The following ATL3 variants were observed in gnomAD, a reference collection of about 807,000 sequenced individuals.
ATL3 encodes atlastin-3.
A neutral mutation model predicts 69.5 loss-of-function variants in ATL3; 49 were observed. That is an observed-to-expected ratio of 0.71 (90% CI 0.56 to 0.89). The LOEUF is 0.89. Among genes scored for constraint, ATL3 ranks in the 40% least tolerant of loss-of-function variants. The pLI is 0.00. For missense variants in ATL3, 606 were observed against 645.7 expected, an observed-to-expected ratio of 0.94 and a Z score of 0.67; for synonymous variants, 214 against 224.1, an observed-to-expected ratio of 0.95 and a Z score of 0.40.
intron 1 of ATL3, among the ~76,000 whole-genome samples, chr11:63,668,552 C>T (rs1427751425): frequency 6.6e-6 from 1 of 152,072 alleles, no homozygotes; most frequent in Non-Finnish European, 1.5e-5. Flanking sequence ...TGAACAAAAC[C>T]ATATTTTTTG....
At position 63,646,508 on chromosome 11, in the gene ATL3, TG is replaced by T; in HGVS notation, c.616del (p.Gln206ArgfsTer3). On this transcript the variant is annotated frameshift_variant and splice_region_variant, in exon 6 of 13. Coordinates refer to ENST00000398868, the MANE Select transcript of ATL3 (RefSeq NM_015459.5). LOFTEE classifies it high-confidence loss of function. ...TATATTTAAAATAAATATTCTAACC[TG>T]GAAAGGCTTTTGGAAAATTTCATCC... ...AMDEIFQKPF[Q>X]TLMFLVRDWS... The T allele has an allele frequency of 6.4e-7, 1 of 1,572,692 alleles. No individual in the cohort carries two copies. The highest frequency in any genetic ancestry group is 8.7e-7 in the Non-Finnish European group (1 of 1,147,924).
At chr11:63,670,387 A>G (rs539129001) in intron 1 of ATL3, 3 of 152,348 alleles carry the variant, frequency 2.0e-5, no homozygotes, top group African/African-American at 7.2e-5. Flanking sequence ...AGACTGACAA[A>G]ACGTTCCATT....
At chr11:63,659,707 G>A (rs536780947) in intron 1 of ATL3, among the ~76,000 whole-genome samples, 2 of 152,186 alleles carry the variant, frequency 1.3e-5, no homozygotes, top group African/African-American at 4.8e-5. Context: ...AGCCGAGGTG[G>A]GTGGATCACT....
intron 12 of ATL3, 98 bp downstream of exon 12, chr11:63,630,942 T>C (rs1359466228): frequency 3.2e-6 from 4 of 1,236,686 alleles, no homozygotes; most frequent in Non-Finnish European, 4.5e-6. Flanking sequence ...CTGTCTCATG[T>C]CTTCACTATG....
At chr11:63,639,052 A>G (rs769817827) in intron 8 of ATL3, among the ~76,000 whole-genome samples, 1 of 152,196 alleles carries the variant, frequency 6.6e-6, no homozygotes, top group Non-Finnish European at 1.5e-5. Flanking sequence ...AATCTCAACC[A>G]TGGAACTGCA....
At position 63,633,062 on chromosome 11, in the gene ATL3, G is replaced by C. The variant is rs1939378790; in HGVS notation, c.1071C>G (p.Ala357=). 1.9e-6 allele frequency: 3 copies of C among 1,614,128 alleles called. No individual in the cohort carries two copies. The highest frequency in any genetic ancestry group is 2.5e-6 in the Non-Finnish European group (3 of 1,180,000). Residue 357 remains alanine, a synonymous_variant, in exon 11 of 13, where the codon GCC becomes GCG. Coordinates refer to ENST00000398868, the MANE Select transcript of ATL3 (RefSeq NM_015459.5). ...TAEANNLAAA[A]SAKDIYYNNM... ...TGTTATAATAAATGTCCTTGGCAGA[G>C]GCTGCAGCTGCTAAGTTGTTGGCTT... is the stretch of plus-strand genomic sequence containing the variant.
chr11:63,625,013 C>T lies in ATL3; in HGVS notation c.*4306G>A, dbSNP rs1247088707. The T allele has an allele frequency of 6.6e-6, 1 of 152,126 alleles. No individual in the cohort carries two copies. The highest frequency in any genetic ancestry group is 2.4e-5 in the African/African-American group (1 of 41,418). 9.4% of individuals were successfully genotyped at this position (152,126 alleles called of 1,614,324 possible). On this transcript the variant is annotated 3_prime_UTR_variant, in exon 13 of 13. Transcript: ENST00000398868. ...TACCACCTGAGGCAATCCCTGGGTACAAAGCTAGGAATCTGAACTTTTTAA... is the reference window on the plus strand; with the variant it reads ...TACCACCTGAGGCAATCCCTGGGTATAAAGCTAGGAATCTGAACTTTTTAA...
chr11:63,631,345 G>A lies in ATL3; in HGVS notation c.1234C>T (p.Arg412Cys), dbSNP rs375618827. 1.1e-5 allele frequency: 18 copies of A among 1,614,212 alleles called. No individual in the cohort carries two copies. The highest frequency in any genetic ancestry group is 5.3e-5 in the African/African-American group (4 of 75,046). ...KKMGGKDFSF[R>C]YQQELEEEIK... is the part of the protein sequence containing the mutation. ...TCCTCCTCCAGCTCCTGCTGGTAAC[G>A]AAAGCTGAAATCCTTCCCACCCATC... Residue 412 changes from arginine to cysteine, a missense_variant, in exon 12 of 13, where the codon CGT becomes TGT. Arg to Cys is a radical substitution (Grantham distance 180). Coordinates refer to ENST00000398868, the MANE Select transcript of ATL3 (RefSeq NM_015459.5).
rs1265720004 is a variant in ATL3 at position 63,624,507 on chromosome 11, G to C, written c.*4812C>G. The C allele has an allele frequency of 2.0e-5, 3 of 152,096 alleles. No individual in the cohort carries two copies. The highest frequency in any genetic ancestry group is 7.2e-5 in the African/African-American group (3 of 41,406). The allele number at this position is 152,096 out of a possible 1,614,324, so 9.4% of individuals were successfully genotyped here. On this transcript the variant is annotated 3_prime_UTR_variant, in exon 13 of 13. Transcript: ENST00000398868. ...CAAAGTTTCTGATATGGGGTACTTA[G>C]GTCACTAATGACAGGAATTAGGATC...
chr11:63,671,357 G>C lies in ATL3; in HGVS notation c.-22C>G. ...ACATGGAGCCTCCGCCTTCAAAGCA[G>C]AAGCAGCAGGGGTGCAGAGGAGAGG... On this transcript the variant is annotated 5_prime_UTR_variant, in exon 1 of 13. Coordinates refer to ENST00000398868, the MANE Select transcript of ATL3 (RefSeq NM_015459.5). 3 of 1,575,968 alleles carry C rather than the reference G, an allele frequency of 1.9e-6. No homozygotes were observed. The highest frequency in any genetic ancestry group is 2.6e-6 in the Non-Finnish European group (3 of 1,163,564).
chr11:63,630,167 C>A lies in ATL3; in HGVS notation c.1540-762G>T, dbSNP rs141114789. 8.2e-3 allele frequency among the ~76,000 whole-genome samples: 1,243 copies of A among 151,208 alleles called. 19 individuals are homozygous for A. The highest frequency in any genetic ancestry group is 0.028 in the African/African-American group (1,145 of 41,250). ...ATAGCTCATGCCTATAATCCTAGCA[C>A]TTTGGGAGGCCGAGGTGGGTGGATC... On this transcript the variant is annotated intron_variant, in intron 12 of 12. Coordinates refer to ENST00000398868, the MANE Select transcript of ATL3 (RefSeq NM_015459.5).
At chr11:63,669,351 A>G (rs1457483482) in intron 1 of ATL3, among the ~76,000 whole-genome samples, 2 of 150,974 alleles carry the variant, frequency 1.3e-5, no homozygotes, top group East Asian at 2.0e-4. Flanking sequence ...CCTGGCAAAC[A>G]TGGTGAAACC....
rs1381912169 is a variant in ATL3 at position 63,632,839 on chromosome 11, AACAAG to A, written c.1107+182_1107+186del. The A allele has an allele frequency of 6.6e-6, 5 of 758,434 alleles. No individual in the cohort carries two copies. The East Asian group carries it at 7.8e-5, about 12-fold the overall frequency. The allele number at this position is 758,434 out of a possible 1,614,324, so 47.0% of individuals were successfully genotyped here. On this transcript the variant is annotated intron_variant, in intron 11 of 12. Transcript: ENST00000398868. ...TGCTATTCAAAACAAAACAAAACAAAACAAGAACAAACAAACAAACAAAGAAATGG... is the reference window on the plus strand; with the variant it reads ...TGCTATTCAAAACAAAACAAAACAAAAACAAACAAACAAACAAAGAAATGG...
chr11:63,669,543 A>G (rs80148298), intron 1 of ATL3, among the ~76,000 whole-genome samples: 2 of 151,460 alleles, frequency 1.3e-5, no homozygotes, highest in Non-Finnish European at 2.9e-5. Context: ...TCACCAGAAG[A>G]AAAAAAAAGA....
In ATL3 at chr11:63,652,518, C is replaced by G; in HGVS notation, c.463G>C (p.Asp155His). Residue 155 changes from aspartate (D) to histidine (H), a missense_variant, in exon 4 of 13, where the codon GAC becomes CAC. Physicochemically the swap from Asp to His is moderately conservative, Grantham distance 81. Transcript: ENST00000398868. ...GAFDSQSTVK[D>H]CATIFALSTM... ...CTTAGAGCAAAGATGGTAGCACAGT[C>G]TTTCACAGTTGACTGGCTGTCAAAT... 1 of 1,612,122 alleles carries G rather than the reference C, an allele frequency of 6.2e-7. No individual in the cohort carries two copies. Among genetic ancestry groups the G allele is most frequent in the Non-Finnish European group, 8.5e-7 (1 of 1,178,710 alleles).
intron 10 of ATL3, among the ~76,000 whole-genome samples, chr11:63,633,896 G>GTGGTGA: frequency 1.3e-5 from 2 of 151,528 alleles, no homozygotes. Context: ...TTAGCCAGGC[G>GTGGTGA]TGGTGATGTG....
At chr11:63,636,673 A>G (rs976813191) in intron 8 of ATL3, among the ~76,000 whole-genome samples, 21 of 150,854 alleles carry the variant, frequency 1.4e-4, no homozygotes, top group Admixed American at 1.1e-3. Flanking sequence ...CAGGAGGAGG[A>G]GGTTGCAGTG....
chr11:63,670,447 G>T (rs777054969), intron 1 of ATL3: 1 of 152,184 alleles, frequency 6.6e-6, no homozygotes, highest in Non-Finnish European at 1.5e-5. Flanking sequence ...ATTCTTCACT[G>T]TTCTTTTCCT....
In ATL3 at chr11:63,628,068, T is replaced by G. The variant is rs376926463; in HGVS notation, c.*1251A>C. ...TTCCCTCTAATCCTTAATAAAGTTCTGTTCTTATGCAGAACTCTCAAAAAC... is the reference window on the plus strand; with the variant it reads ...TTCCCTCTAATCCTTAATAAAGTTCGGTTCTTATGCAGAACTCTCAAAAAC... On this transcript the variant is annotated 3_prime_UTR_variant, in exon 13 of 13. Transcript: ENST00000398868. 6.6e-6 allele frequency: 1 copy of G among 152,212 alleles called. No homozygotes were observed. The highest frequency in any genetic ancestry group is 1.5e-5 in the Non-Finnish European group (1 of 68,042). 9.4% of individuals were successfully genotyped at this position (152,212 alleles called of 1,614,324 possible).
Sources: allele counts gnomAD v4.1 joint callset (sites outside exome capture counted in the v4.1 genomes callset), GRCh38; gene constraint gnomAD v4.1.1; transcripts MANE v1.5; gene names NCBI Gene and HGNC (gene_info 2026-07-23, HGNC 2026-07-21).